The following HERC3 variants were observed in gnomAD, a reference collection of about 807,000 sequenced individuals.
HERC3 encodes the protein HECT and RLD domain containing E3 ubiquitin protein ligase 3.
A neutral mutation model predicts 129.9 loss-of-function variants in HERC3; 58 were observed. The ratio of observed to expected loss-of-function variants is 0.45; its 90% CI spans 0.36 to 0.56. HERC3 has a LOEUF of 0.56. HERC3 is among the 20% of genes least tolerant of loss of function. The pLI, the probability that HERC3 is intolerant of heterozygous loss-of-function variation, is 0.00. For missense variants in HERC3, 835 were observed against 1,244.2 expected, an observed-to-expected ratio of 0.67 and a Z score of 4.95; for synonymous variants, 430 against 451.0, an observed-to-expected ratio of 0.95 and a Z score of 0.59.
At chr4:88,573,058 T>C in the HERC3 span, among the ~76,000 whole-genome samples, 1 of 152,212 alleles carries the variant, frequency 6.6e-6, no homozygotes, top group Non-Finnish European at 1.5e-5. Context: ...TGGATTTTAA[T>C]TAAAATGTCA....
intron 23 of HERC3, chr4:88,697,697 C>T (rs1040872845): frequency 3.2e-5 from 51 of 1,611,910 alleles, no homozygotes; most frequent in Non-Finnish European, 4.1e-5. Context: ...GCCGCTGCCT[C>T]CGCCGCTGCC....
intron 16 of HERC3, among the ~76,000 whole-genome samples, chr4:88,673,962 C>G (rs1731881840): frequency 6.6e-6 from 1 of 152,182 alleles, no homozygotes; most frequent in Admixed American, 6.6e-5. Flanking sequence ...TCTAGACCAC[C>G]AGCTCTGGGC....
At chr4:88,542,036 A>C in the HERC3 span, among the ~76,000 whole-genome samples, 3 of 152,204 alleles carry the variant, frequency 2.0e-5, no homozygotes, top group Non-Finnish European at 4.4e-5. Context: ...AATTAAAAGA[A>C]CTAGAGAAGC....
chr4:88,633,214 C>T (rs996979264), intron 3 of HERC3, among the ~76,000 whole-genome samples: 1 of 152,074 alleles, frequency 6.6e-6, no homozygotes, highest in Non-Finnish European at 1.5e-5. Flanking sequence ...CAGGGCTGTA[C>T]TAAATAATAG....
At chr4:88,655,389 C>T in intron 8 of HERC3, 85 bp downstream of exon 8, 1 of 1,436,540 alleles carries the variant, frequency 7.0e-7, no homozygotes, top group Non-Finnish European at 9.7e-7. Flanking sequence ...GTGATTATAC[C>T]TAGTCACCGT....
At chr4:88,584,632 G>C in the HERC3 span, among the ~76,000 whole-genome samples, 1 of 152,174 alleles carries the variant, frequency 6.6e-6, no homozygotes, top group Non-Finnish European at 1.5e-5. Flanking sequence ...GTGCCTCTTT[G>C]CTTTTCTGCT....
rs1454770552 is a variant in HERC3, at chr4:88,668,395, C to T, written c.1633+314C>T. On this transcript the variant is annotated intron_variant, in intron 14 of 25. Transcript: ENST00000402738. ...TGCTCAGTACCTCAGTATTACTGTA[C>T]GTTGGTCTTTCTCCTATGTCTAATT... The T allele has an allele frequency of 3.1e-5, 9 of 288,066 alleles. No individual in the cohort carries two copies. In the East Asian group the frequency reaches 4.3e-4, roughly 14 times the overall value. 17.8% of individuals were successfully genotyped at this position (288,066 alleles called of 1,614,324 possible). A position where few individuals can be genotyped will look rare whatever the true frequency, so the allele number is the denominator to read the frequency against.
intron 3 of HERC3, among the ~76,000 whole-genome samples, chr4:88,638,929 C>T (rs747912632): frequency 1.3e-5 from 2 of 152,104 alleles, no homozygotes; most frequent in Non-Finnish European, 2.9e-5. Flanking sequence ...AAATCACAAG[C>T]GTTCCTATAC....
the HERC3 span, chr4:88,524,629 G>A: frequency 6.6e-6 from 1 of 152,180 alleles, no homozygotes; most frequent in Non-Finnish European, 1.5e-5. Flanking sequence ...TTCCTTATCT[G>A]TATAAGACTA....
chr4:88,533,603 A>G, the HERC3 span, among the ~76,000 whole-genome samples: 1 of 152,210 alleles, frequency 6.6e-6, no homozygotes, highest in African/African-American at 2.4e-5. Flanking sequence ...GGTGAGAAAC[A>G]GCATGCCAAA....
At chr4:88,642,977 C>T (rs1302801460) in intron 3 of HERC3, among the ~76,000 whole-genome samples, 1 of 151,974 alleles carries the variant, frequency 6.6e-6, no homozygotes, top group Non-Finnish European at 1.5e-5. Context: ...CATCTCTATT[C>T]TCAGAAAAAA....
At chr4:88,543,086 A>G in the HERC3 span, among the ~76,000 whole-genome samples, 1 of 152,204 alleles carries the variant, frequency 6.6e-6, no homozygotes, top group Non-Finnish European at 1.5e-5. Flanking sequence ...AGTTCTGGCC[A>G]GGGCAATTAG....
intron 23 of HERC3, among the ~76,000 whole-genome samples, chr4:88,688,960 T>G (rs1314198762): frequency 6.6e-6 from 1 of 151,966 alleles, no homozygotes; most frequent in Non-Finnish European, 1.5e-5. Context: ...GTGGGAAAGG[T>G]GAGAGAATGA....
chr4:88,572,091 GAA>G, the HERC3 span, among the ~76,000 whole-genome samples: 16 of 152,138 alleles, frequency 1.1e-4, no homozygotes, highest in African/African-American at 3.9e-4. Context: ...GTCACAGGGA[GAA>G]GAGGGCCACA....
intron 23 of HERC3, chr4:88,693,191 T>C: frequency 1.0e-6 from 1 of 983,564 alleles, no homozygotes; most frequent in Non-Finnish European, 1.2e-6. Flanking sequence ...ATTCCTCTTT[T>C]TTCTCTTCCC....
rs192352107 is a variant in HERC3 at position 88,693,771 on chromosome 4, C to T, written c.2657+6472C>T. ...TAAGCATCGGCATGCCAGTTTTCTG[C>T]GTAATACTCAGAGAGTTGGTTGAGT... On this transcript the variant is annotated intron_variant, in intron 23 of 25. Coordinates refer to ENST00000402738, the MANE Select transcript of HERC3 (RefSeq NM_014606.3). 5.9e-4 allele frequency: 400 copies of T among 672,934 alleles called. 2 individuals carry two copies. The African/African-American group carries it at 7.2e-3, about 12-fold the overall frequency. 41.7% of individuals were successfully genotyped at this position (672,934 alleles called of 1,614,324 possible).
intron 3 of HERC3, among the ~76,000 whole-genome samples, chr4:88,628,502 G>T (rs1726381328): frequency 6.6e-6 from 1 of 151,790 alleles, no homozygotes; most frequent in Non-Finnish European, 1.5e-5. Flanking sequence ...CTCTTTTCTA[G>T]TTGGAGTTCT....
the HERC3 span, among the ~76,000 whole-genome samples, chr4:88,582,345 T>A: frequency 6.6e-6 from 1 of 152,138 alleles, no homozygotes; most frequent in Non-Finnish European, 1.5e-5. Flanking sequence ...CCATAGACAA[T>A]GTTGGGGCTC....
At chr4:88,623,898 T>C (rs1351452260) in intron 3 of HERC3, among the ~76,000 whole-genome samples, 1 of 152,228 alleles carries the variant, frequency 6.6e-6, no homozygotes, top group African/African-American at 2.4e-5. Context: ...ACCACAATCA[T>C]GATAGCATTT....
Sources: gnomAD v4.1 joint callset for allele counts (sites outside exome capture counted in the v4.1 genomes callset) on GRCh38, gnomAD v4.1.1 for gene constraint, MANE v1.5 for transcripts, NCBI Gene and HGNC (gene_info 2026-07-23, HGNC 2026-07-21) for gene names.